AUTS2: variants seen among roughly 807,000 people sequenced by gnomAD.
AUTS2 encodes the protein autism susceptibility gene 2 protein.
AUTS2 carries 17 observed loss-of-function variants against 112.4 expected under a neutral mutation model. The ratio of observed to expected loss-of-function variants is 0.15; its 90% CI spans 0.10 to 0.23. The LOEUF (loss-of-function observed/expected upper bound fraction) is 0.23. Among genes scored for constraint, AUTS2 ranks in the 10% least tolerant of loss-of-function variants. AUTS2 has a pLI of 1.00. For synonymous variants in AUTS2, 751 were observed against 702.7 expected (o/e 1.07, Z -1.09); for missense variants, 1,510 against 1,701.6 (o/e 0.89, Z 1.98).
rs891889817 is a variant in AUTS2, at chr7:70,363,623, T to C, written c.661-72129T>C. Among the ~76,000 whole-genome samples, 3 of 152,302 alleles carry C rather than the reference T, an allele frequency of 2.0e-5. No homozygotes were observed. In the South Asian group the frequency reaches 6.2e-4, roughly 32 times the overall value. On this transcript the variant is annotated intron_variant, in intron 4 of 18. Transcript: ENST00000342771. ...TGGTTTGCTGTTTATTTTTATCCCA[T>C]AACTCAACGGGTATTTATATAATTA...
Position 70,784,993 on chromosome 7 carries a change from A to G in AUTS2, c.2198A>G (p.Asn733Ser), listed in dbSNP as rs976637271. The part of the protein sequence containing the change: ...TPFGPPPHHS[N>S]FLNPAAHLEP... ...TTTGGGCCACCTCCTCATCACAGCA[A>G]CTTCCTCAACCCTGCTGCCCACCTA... The change falls in exon 16 of 19, where the codon AAC becomes AGC. Residue 733 changes from asparagine to serine, a missense_variant. Asn to Ser is a conservative substitution (Grantham distance 46). Transcript: ENST00000342771. 6.2e-7 allele frequency: 1 copy of G among 1,614,168 alleles called. No individual in the cohort carries two copies.
At chr7:70,444,657 A>G (rs1266079539) in intron 5 of AUTS2, among the ~76,000 whole-genome samples, 1 of 152,072 alleles carries the variant, frequency 6.6e-6, no homozygotes, top group African/African-American at 2.4e-5. Context: ...ATCAGTTTCC[A>G]TGAGGAGCAT....
At chr7:70,676,550 A>G (rs1228414071) in intron 5 of AUTS2, among the ~76,000 whole-genome samples, 2 of 152,188 alleles carry the variant, frequency 1.3e-5, no homozygotes, top group South Asian at 2.1e-4. Flanking sequence ...TCTGTTGCTA[A>G]TGGTTTAAAA....
At chr7:70,777,544 G>T (rs1255952221) in intron 14 of AUTS2, among the ~76,000 whole-genome samples, 20 of 152,076 alleles carry the variant, frequency 1.3e-4, no homozygotes. Context: ...TCACTGTGTT[G>T]CCCAGGCTGG....
chr7:69,703,393 T>C (rs1276840176), intron 1 of AUTS2, among the ~76,000 whole-genome samples: 1 of 152,210 alleles, frequency 6.6e-6, no homozygotes, highest in South Asian at 2.1e-4. Flanking sequence ...CTTTTGGATC[T>C]CCTCACACCT....
chr7:70,453,152 A>G (rs1425118902), intron 5 of AUTS2, among the ~76,000 whole-genome samples: 1 of 152,212 alleles, frequency 6.6e-6, no homozygotes, highest in Non-Finnish European at 1.5e-5. Context: ...GGATAAGGGC[A>G]CCATGGGTCC....
intron 2 of AUTS2, among the ~76,000 whole-genome samples, chr7:70,116,316 G>A (rs963250245): frequency 2.6e-5 from 4 of 152,158 alleles, no homozygotes; most frequent in Non-Finnish European, 4.4e-5. Flanking sequence ...TAGCAAAAAA[G>A]AATGCCTTGT....
At chr7:70,739,520 G>A (rs1787980464) in intron 6 of AUTS2, among the ~76,000 whole-genome samples, 1 of 151,856 alleles carries the variant, frequency 6.6e-6, no homozygotes, top group African/African-American at 2.4e-5. Flanking sequence ...ACCAAGTTTG[G>A]ATGTTATGAT....
At chr7:69,926,323 A>G (rs1562972550) in intron 2 of AUTS2, among the ~76,000 whole-genome samples, 1 of 151,898 alleles carries the variant, frequency 6.6e-6, no homozygotes, top group Non-Finnish European at 1.5e-5. Flanking sequence ...AGGCTTTGTT[A>G]TTTGGTACAT....
chr7:70,768,493 T>C (rs1239568038), intron 10 of AUTS2, among the ~76,000 whole-genome samples: 1 of 152,228 alleles, frequency 6.6e-6, no homozygotes, highest in Non-Finnish European at 1.5e-5. Flanking sequence ...CTCATGACTC[T>C]TCAACAAGTA....
chr7:69,929,442 G>GT (rs950037156), intron 2 of AUTS2, among the ~76,000 whole-genome samples: 5 of 151,788 alleles, frequency 3.3e-5, no homozygotes, highest in East Asian at 1.9e-4. Context: ...TTTCTTTAAG[G>GT]TTTTTTCCCC....
At chr7:70,700,149 C>A (rs966180219) in intron 6 of AUTS2, among the ~76,000 whole-genome samples, 2 of 152,064 alleles carry the variant, frequency 1.3e-5, no homozygotes, top group Admixed American at 1.3e-4. Flanking sequence ...CTGGTTCTTT[C>A]CCCCCCTTTT....
At chr7:70,308,506 C>T (rs928821147) in intron 4 of AUTS2, among the ~76,000 whole-genome samples, 1 of 152,106 alleles carries the variant, frequency 6.6e-6, no homozygotes, top group Non-Finnish European at 1.5e-5. Context: ...TTTAAAAGTG[C>T]GGCTGAAGTT....
At position 70,093,411 on chromosome 7, in the gene AUTS2, C is replaced by T. The variant is rs181209355; in HGVS notation, c.523-24721C>T. 2.0e-5 allele frequency among the ~76,000 whole-genome samples: 3 copies of T among 152,228 alleles called. No individual in the cohort carries two copies. In the East Asian group the frequency reaches 5.8e-4, roughly 29 times the overall value. On this transcript the variant is annotated intron_variant, in intron 2 of 18. Transcript: ENST00000342771. ...TGCCTGGCTCAGTAATACCCATGGG[C>T]CTAGGCAACATTTTCAGTTGGATTT... is the stretch of plus-strand genomic sequence containing the variant.
chr7:69,771,234 T>A (rs1465443145), intron 1 of AUTS2, among the ~76,000 whole-genome samples: 3 of 152,262 alleles, frequency 2.0e-5, no homozygotes, highest in Admixed American at 2.0e-4. Flanking sequence ...TTTTCTTGGA[T>A]AATTTGCCTT....
At chr7:69,788,105 C>G (rs541042267) in intron 1 of AUTS2, among the ~76,000 whole-genome samples, 1 of 152,284 alleles carries the variant, frequency 6.6e-6, no homozygotes, top group East Asian at 1.9e-4. Flanking sequence ...AAAACCTGCT[C>G]TCTTATCCTC....
chr7:70,132,405 G>T (rs1387799735), intron 3 of AUTS2, among the ~76,000 whole-genome samples: 1 of 152,064 alleles, frequency 6.6e-6, no homozygotes, highest in Non-Finnish European at 1.5e-5. Context: ...TAATTCCTCG[G>T]CAGTGCAATC....
intron 14 of AUTS2, 44 bp from the exon 15 acceptor site, chr7:70,781,571 T>C: frequency 6.2e-7 from 1 of 1,608,050 alleles, no homozygotes; most frequent in South Asian, 1.1e-5. Flanking sequence ...CCTTTATTCC[T>C]TGCTGTTGGC....
intron 1 of AUTS2, among the ~76,000 whole-genome samples, chr7:69,613,779 G>C (rs1445406069): frequency 6.6e-6 from 1 of 152,204 alleles, no homozygotes; most frequent in East Asian, 1.9e-4. Context: ...CTTGTTTTGA[G>C]GGCTAGGTGT....
Sources: gnomAD v4.1 joint callset for allele counts (sites outside exome capture counted in the v4.1 genomes callset) on GRCh38, gnomAD v4.1.1 for gene constraint, MANE v1.5 for transcripts, NCBI Gene and HGNC (gene_info 2026-07-23, HGNC 2026-07-21) for gene names.